CEP63: variants seen among roughly 807,000 people sequenced by gnomAD.
CEP63 encodes the protein centrosomal protein 63.
A neutral mutation model predicts 89.1 loss-of-function variants in CEP63; 84 were observed. The observed-to-expected ratio is 0.94, with a 90% CI of 0.79 to 1.13. The LOEUF is 1.13. Among genes scored for constraint, CEP63 ranks in the 50% most tolerant of loss-of-function variants. The pLI, the probability that CEP63 is intolerant of heterozygous loss-of-function variation, is 0.00. For synonymous variants in CEP63, 267 were observed against 272.5 expected (o/e 0.98, Z 0.20); for missense variants, 838 against 813.3 (o/e 1.03, Z -0.37).
At chr3:134,500,393 G>T (rs527396905) in intron 2 of CEP63, among the ~76,000 whole-genome samples, 1 of 152,120 alleles carries the variant, frequency 6.6e-6, no homozygotes, top group South Asian at 2.1e-4. Context: ...TTGGTGTTGC[G>T]ATGAACATGT....
chr3:134,646,110 T>C, the CEP63 span, among the ~76,000 whole-genome samples: 2 of 152,198 alleles, frequency 1.3e-5, no homozygotes, highest in Admixed American at 6.5e-5. Flanking sequence ...ATGCATACCT[T>C]CCATGCCCTG....
chr3:134,690,761 T>G, the CEP63 span, among the ~76,000 whole-genome samples: 1 of 127,892 alleles, frequency 7.8e-6, no homozygotes, highest in East Asian at 2.1e-4. Flanking sequence ...TTTTTTTTTT[T>G]TTTTTGAGAT....
the CEP63 span, among the ~76,000 whole-genome samples, chr3:134,773,715 G>A: frequency 6.6e-6 from 1 of 151,276 alleles, no homozygotes; most frequent in Non-Finnish European, 1.5e-5. Context: ...TGACATTTCT[G>A]TTTACATCCC....
the CEP63 span, chr3:134,651,020 A>G: frequency 2.6e-5 from 42 of 1,607,632 alleles, no homozygotes; most frequent in Non-Finnish European, 3.4e-5. Flanking sequence ...TTGCGCTGCA[A>G]ATGGCCCCGT....
chr3:134,770,163 C>T, the CEP63 span, among the ~76,000 whole-genome samples: 1 of 152,252 alleles, frequency 6.6e-6, no homozygotes, highest in Non-Finnish European at 1.5e-5. Flanking sequence ...GATTATGGTT[C>T]TGAGATCTGG....
At chr3:134,607,754 A>C in the CEP63 span, 2 of 986,026 alleles carry the variant, frequency 2.0e-6, no homozygotes, top group Non-Finnish European at 2.4e-6. Context: ...TTGGGAGAGC[A>C]CATGTCAGCC....
intron 3 of CEP63, among the ~76,000 whole-genome samples, chr3:134,518,901 G>A (rs1946806645): frequency 6.6e-6 from 1 of 151,732 alleles, no homozygotes; most frequent in Admixed American, 6.6e-5. Flanking sequence ...GATAACCTTG[G>A]CAAGACTAAT....
the CEP63 span, among the ~76,000 whole-genome samples, chr3:134,708,504 G>T: frequency 1.3e-5 from 2 of 152,200 alleles, no homozygotes; most frequent in African/African-American, 4.8e-5. Context: ...CCCCTGTTCT[G>T]CAGTTCTGTC....
At chr3:134,500,753 G>C (rs557025062) in intron 2 of CEP63, among the ~76,000 whole-genome samples, 1 of 152,206 alleles carries the variant, frequency 6.6e-6, no homozygotes, top group Non-Finnish European at 1.5e-5. Context: ...TGGATGCATG[G>C]TTTGCAAATA....
At chr3:134,645,671 T>C in the CEP63 span, among the ~76,000 whole-genome samples, 1 of 152,232 alleles carries the variant, frequency 6.6e-6, no homozygotes, top group Non-Finnish European at 1.5e-5. Flanking sequence ...CGTCATTTTT[T>C]CTGGGCTCAG....
intron 3 of CEP63, 92 bp from the exon 4 acceptor site, chr3:134,531,753 A>G: frequency 2.0e-6 from 2 of 984,772 alleles, no homozygotes; most frequent in African/African-American, 1.6e-5. Context: ...TTGAATTTAC[A>G]AATAAATACA....
At chr3:134,624,047 C>T in the CEP63 span, among the ~76,000 whole-genome samples, 3 of 152,216 alleles carry the variant, frequency 2.0e-5, no homozygotes, top group African/African-American at 7.2e-5. Flanking sequence ...GGATGTGCCA[C>T]AGACACTAGA....
At chr3:134,663,364 G>A in the CEP63 span, among the ~76,000 whole-genome samples, 2 of 152,318 alleles carry the variant, frequency 1.3e-5, no homozygotes, top group East Asian at 3.9e-4. Context: ...AACATCCCAG[G>A]GTGAAGGGCT....
intron 5 of CEP63, 187 bp from the exon 6 acceptor site, chr3:134,536,968 A>G (rs1184871200): frequency 1.6e-6 from 1 of 607,278 alleles, no homozygotes; most frequent in East Asian, 3.1e-5. Flanking sequence ...ATCCAGAGGC[A>G]CAGTATGTGA....
chr3:134,715,128 G>C, the CEP63 span, among the ~76,000 whole-genome samples: 1 of 152,154 alleles, frequency 6.6e-6, no homozygotes, highest in Non-Finnish European at 1.5e-5. Flanking sequence ...TGAGCTCATG[G>C]TTCCTGTAAT....
the CEP63 span, among the ~76,000 whole-genome samples, chr3:134,713,821 T>C: frequency 6.6e-6 from 1 of 152,244 alleles, no homozygotes; most frequent in African/African-American, 2.4e-5. Context: ...ACCTCACTTG[T>C]AATAACTTCC....
chr3:134,578,922 TA>T (rs1440797207), downstream of CEP63, among the ~76,000 whole-genome samples: 1 of 152,184 alleles, frequency 6.6e-6, no homozygotes, highest in African/African-American at 2.4e-5. Context: ...AACACTTGGC[TA>T]ATTTTTGTAT....
At chr3:134,748,512 T>A in the CEP63 span, among the ~76,000 whole-genome samples, 1 of 152,158 alleles carries the variant, frequency 6.6e-6, no homozygotes, top group Non-Finnish European at 1.5e-5. Flanking sequence ...CTGTTCTTTC[T>A]ACATATACTG....
chr3:134,707,954 C>T, the CEP63 span, among the ~76,000 whole-genome samples: 5 of 152,202 alleles, frequency 3.3e-5, no homozygotes, highest in South Asian at 4.1e-4. Context: ...CAAGGGCTCA[C>T]GGTCTTTCAC....
Sources: allele counts gnomAD v4.1 joint callset (sites outside exome capture counted in the v4.1 genomes callset), GRCh38; gene constraint gnomAD v4.1.1; transcripts MANE v1.5; gene names NCBI Gene and HGNC (gene_info 2026-07-23, HGNC 2026-07-21).